Variants in VSIG10 observed in about 807,000 individuals in gnomAD.
VSIG10 encodes the protein V-set and immunoglobulin domain-containing protein 10.
In VSIG10, 48 loss-of-function variants were observed where a neutral mutation model predicts 58.7. The ratio of observed to expected loss-of-function variants is 0.82; its 90% CI spans 0.65 to 1.04. The LOEUF (loss-of-function observed/expected upper bound fraction) is 1.04. Among genes scored for constraint, VSIG10 ranks in the 50% least tolerant of loss-of-function variants. The pLI is 0.00. For synonymous variants in VSIG10, 260 were observed against 267.1 expected, an observed-to-expected ratio of 0.97 and a Z score of 0.26; for missense variants, 628 against 670.0, an observed-to-expected ratio of 0.94 and a Z score of 0.69.
At chr12:118,086,085 G>A (rs989357528) in intron 2 of VSIG10, among the ~76,000 whole-genome samples, 14 of 151,894 alleles carry the variant, frequency 9.2e-5, no homozygotes, top group Non-Finnish European at 1.5e-5. Flanking sequence ...TTGAACCCGG[G>A]AGGCAGAGGT....
At position 118,069,404 on chromosome 12, in the gene VSIG10, T is replaced by TTTCTTC. The variant is rs927180127; in HGVS notation, c.1347-813_1347-808dup. Reference sequence around the variant, plus strand: ...TGTTGTGCCCGGCCTGGACTGTGCATTTCTTCTTCTTCTTCTTCTTCTTTT... The same window carrying TTTCTTC: ...TGTTGTGCCCGGCCTGGACTGTGCATTTCTTCTTCTTCTTCTTCTTCTTCTTCTTTT... On this transcript the variant is annotated intron_variant, in intron 7 of 8. Transcript: ENST00000359236. Among the ~76,000 whole-genome samples, 5 of 135,646 alleles carry TTTCTTC rather than the reference T, an allele frequency of 3.7e-5. No homozygotes were observed. In the Admixed American group the frequency reaches 3.8e-4, roughly 10 times the overall value. The allele number at this position is 135,646 out of a possible 152,430, so 89.0% of individuals were successfully genotyped here. A position where few individuals can be genotyped will look rare whatever the true frequency, so the allele number is the denominator to read the frequency against.
At chr12:118,068,737 T>C (rs1251818722) in intron 7 of VSIG10, 140 bp from the exon 8 acceptor site, 2 of 1,119,042 alleles carry the variant, frequency 1.8e-6, no homozygotes, top group South Asian at 1.7e-5. Flanking sequence ...AATGAGGTGA[T>C]GGTGTGGTAA....
chr12:118,083,548 C>T (rs1414584124), intron 2 of VSIG10, among the ~76,000 whole-genome samples: 2 of 152,096 alleles, frequency 1.3e-5, no homozygotes, highest in Non-Finnish European at 2.9e-5. Context: ...CACTACACTC[C>T]AGCCTGGGCA....
At chr12:118,096,705 G>GCCA (rs2033470760) in intron 1 of VSIG10, among the ~76,000 whole-genome samples, 2 of 150,288 alleles carry the variant, frequency 1.3e-5, no homozygotes, top group African/African-American at 4.9e-5. Context: ...ACAGGCATGA[G>GCCA]CCACCGTGCC....
intron 8 of VSIG10, among the ~76,000 whole-genome samples, chr12:118,068,045 T>TTA (rs71450254): frequency 2.8e-5 from 4 of 141,284 alleles, no homozygotes; most frequent in Admixed American, 1.5e-4. Context: ...TTTTTTTTTT[T>TTA]CTGAGGCAGG....
rs1224503968 is a variant in VSIG10, at chr12:118,095,926, T to C, written c.80-112A>G. The C allele has an allele frequency of 2.8e-5, 26 of 941,646 alleles. No individual in the cohort carries two copies. The Admixed American group carries it at 9.1e-4, about 33-fold the overall frequency. 58.3% of individuals were successfully genotyped at this position (941,646 alleles called of 1,614,324 possible). A position where few individuals can be genotyped will look rare whatever the true frequency, so the allele number is the denominator to read the frequency against. On this transcript the variant is annotated intron_variant, in intron 1 of 8. Coordinates refer to ENST00000359236, the MANE Select transcript of VSIG10 (RefSeq NM_019086.6). ...TTTTAAAAATCAGGTATATGTTCTTTTTTTTTTTTTTTTTTTTGAGACGGA... is the reference window on the plus strand; with the variant it reads ...TTTTAAAAATCAGGTATATGTTCTTCTTTTTTTTTTTTTTTTTGAGACGGA...
chr12:118,079,754 G>A lies in VSIG10; in HGVS notation c.665-148C>T. ...CTAATAGCTCCTAGCACAAATTCAT[G>A]CCTGACAACAGTCAGGCTTCCTCTG... On this transcript the variant is annotated intron_variant, in intron 3 of 8. Transcript: ENST00000359236. 3.5e-6 allele frequency: 4 copies of A among 1,150,988 alleles called. No homozygotes were observed. In the East Asian group the frequency reaches 7.2e-5, roughly 21 times the overall value. The allele number at this position is 1,150,988 out of a possible 1,614,324, so 71.3% of individuals were successfully genotyped here.
chr12:118,100,786 C>A (rs2033605154), intron 1 of VSIG10, among the ~76,000 whole-genome samples: 1 of 152,112 alleles, frequency 6.6e-6, no homozygotes, highest in Non-Finnish European at 1.5e-5. Flanking sequence ...ACTTCGGCCT[C>A]CAAAAGTGCT....
intron 8 of VSIG10, among the ~76,000 whole-genome samples, chr12:118,067,226 G>C (rs2032281287): frequency 6.6e-6 from 1 of 152,018 alleles, no homozygotes; most frequent in African/African-American, 2.4e-5. Flanking sequence ...GTTTTGCCAT[G>C]TTCCCAAGGC....
Position 118,084,004 on chromosome 12 carries a change from C to T in VSIG10, c.362-1575G>A, listed in dbSNP as rs575804015. Among the ~76,000 whole-genome samples, 19 of 152,072 alleles carry T rather than the reference C, an allele frequency of 1.2e-4. No individual in the cohort carries two copies. The South Asian group carries it at 3.7e-3, about 30-fold the overall frequency. ...GCGTGGTGGTGCAGGTAAGTAGTCCCAGCTATTCAGGAGGCTGAGGTGGGA... is the reference window on the plus strand; with the variant it reads ...GCGTGGTGGTGCAGGTAAGTAGTCCTAGCTATTCAGGAGGCTGAGGTGGGA... On this transcript the variant is annotated intron_variant, in intron 2 of 8. Coordinates refer to ENST00000359236, the MANE Select transcript of VSIG10 (RefSeq NM_019086.6).
intron 2 of VSIG10, among the ~76,000 whole-genome samples, chr12:118,093,754 C>T (rs952344347): frequency 2.4e-4 from 36 of 151,536 alleles, no homozygotes; most frequent in African/African-American, 8.5e-4. Flanking sequence ...ACTAAAAATA[C>T]AAAAATTAGC....
At position 118,064,557 on chromosome 12, in the gene VSIG10, C is replaced by T. The variant is rs559073286; in HGVS notation, c.*2082G>A. The T allele has an allele frequency of 2.0e-5, 3 of 151,988 alleles. No homozygotes were observed. Among genetic ancestry groups the T allele is most frequent in the African/African-American group, 7.2e-5 (3 of 41,440 alleles). 9.4% of individuals were successfully genotyped at this position (151,988 alleles called of 1,614,324 possible). On this transcript the variant is annotated 3_prime_UTR_variant, in exon 9 of 9. Coordinates refer to ENST00000359236, the MANE Select transcript of VSIG10 (RefSeq NM_019086.6). ...CCGAAGACTCTAAAGGAGAGACTCA[C>T]TCAGTAATTCAGTGACTTTAGAAGC...
chr12:118,088,753 G>A (rs2033207073), intron 2 of VSIG10, among the ~76,000 whole-genome samples: 1 of 152,034 alleles, frequency 6.6e-6, no homozygotes, highest in South Asian at 2.1e-4. Flanking sequence ...AGACGGCTCT[G>A]GTGTATTTGA....
At chr12:118,066,715 C>T in intron 8 of VSIG10, 21 bp from the exon 9 acceptor site, 1 of 1,577,146 alleles carries the variant, frequency 6.3e-7, no homozygotes, top group Non-Finnish European at 8.6e-7. Flanking sequence ...GGAAATAAAC[C>T]CAATGCTTTG....
In VSIG10 at chr12:118,068,924, C is replaced by T. The variant is rs142137803; in HGVS notation, c.1347-327G>A. Among the ~76,000 whole-genome samples the T allele has an allele frequency of 7.5e-3, 1,147 of 152,238 alleles. 17 individuals are homozygous for T. The highest frequency in any genetic ancestry group is 0.026 in the African/African-American group (1,078 of 41,530). On this transcript the variant is annotated intron_variant, in intron 7 of 8. Coordinates refer to ENST00000359236, the MANE Select transcript of VSIG10 (RefSeq NM_019086.6). The stretch of plus-strand genomic sequence containing the variant: ...AAATGCCCTCATTCTGCTCTACTTA[C>T]CAAAATCTCTCCCCTTCCTCATTTT...
chr12:118,078,700 A>T (rs1198580296), intron 4 of VSIG10, among the ~76,000 whole-genome samples: 1 of 151,774 alleles, frequency 6.6e-6, no homozygotes, highest in Non-Finnish European at 1.5e-5. Flanking sequence ...CCAGCACTTT[A>T]GGAGGCCGAG....
intron 4 of VSIG10, among the ~76,000 whole-genome samples, chr12:118,078,082 G>T (rs2032795774): frequency 1.3e-5 from 2 of 152,198 alleles, no homozygotes; most frequent in Admixed American, 6.5e-5. Context: ...AGTGTTGGAG[G>T]TAAGGCCTAA....
chr12:118,103,454 C>A, intron 1 of VSIG10, 139 bp downstream of exon 1: 1 of 891,912 alleles, frequency 1.1e-6, no homozygotes, highest in Non-Finnish European at 1.6e-6. Flanking sequence ...AGCAGGAAAC[C>A]AAGACCCTCC....
chr12:118,082,486 C>G, intron 2 of VSIG10, 57 bp from the exon 3 acceptor site: 1 of 1,500,914 alleles, frequency 6.7e-7, no homozygotes, highest in Non-Finnish European at 9.0e-7. Context: ...CATTCGATTG[C>G]CTTACCAACT....
Sources: gnomAD v4.1 joint callset for allele counts (sites outside exome capture counted in the v4.1 genomes callset) on GRCh38, gnomAD v4.1.1 for gene constraint, MANE v1.5 for transcripts, NCBI Gene and HGNC (gene_info 2026-07-23, HGNC 2026-07-21) for gene names.